The following EVI5 variants were observed in gnomAD, a reference collection of about 807,000 sequenced individuals.
The protein encoded by EVI5 is ecotropic viral integration site 5 protein homolog.
A neutral mutation model predicts 112.0 loss-of-function variants in EVI5; 73 were observed. That is an observed-to-expected ratio of 0.65 (90% CI 0.54 to 0.79). The LOEUF is 0.79. EVI5 is among the 30% of genes least tolerant of loss of function. EVI5 has a pLI of 0.00. For synonymous variants in EVI5, 305 were observed against 319.9 expected (o/e 0.95, Z 0.50); for missense variants, 900 against 968.8 (o/e 0.93, Z 0.94).
At chr1:92,791,813 A>G (rs765808006) in intron 1 of EVI5, among the ~76,000 whole-genome samples, 9 of 152,134 alleles carry the variant, frequency 5.9e-5, no homozygotes, top group Non-Finnish European at 7.4e-5. Context: ...AGAAAAATTT[A>G]TGTAGCTTTT....
chr1:92,517,179 GA>G (rs1031504489), intron 19 of EVI5, among the ~76,000 whole-genome samples: 14 of 152,164 alleles, frequency 9.2e-5, no homozygotes, highest in Non-Finnish European at 1.5e-4. Flanking sequence ...GAGAAAAAAG[GA>G]TGGTTTCCTC....
chr1:92,754,691 C>T (rs990095331), intron 1 of EVI5, among the ~76,000 whole-genome samples: 4 of 152,220 alleles, frequency 2.6e-5, no homozygotes, highest in Admixed American at 1.3e-4. Flanking sequence ...CTTGTGGCAA[C>T]TGGCTTCCCC....
chr1:92,694,020 G>C lies in EVI5; in HGVS notation c.1000-121C>G, dbSNP rs184842425. The C allele has an allele frequency of 1.5e-3, 1,034 of 702,796 alleles. 2 individuals are homozygous for C. The highest frequency in any genetic ancestry group is 2.3e-3 in the Non-Finnish European group (915 of 405,550). The allele number at this position is 702,796 out of a possible 1,614,324, so 43.5% of individuals were successfully genotyped here. A position where few individuals can be genotyped will look rare whatever the true frequency, so the allele number is the denominator to read the frequency against. ...CTCATGCTTGTAATCTCAGCATTTTGGGAGGCCAAGGCAGGCGGATCACTT... is the reference window on the plus strand; with the variant it reads ...CTCATGCTTGTAATCTCAGCATTTTCGGAGGCCAAGGCAGGCGGATCACTT... On this transcript the variant is annotated intron_variant, in intron 8 of 19. Coordinates refer to ENST00000684568, the MANE Select transcript of EVI5 (RefSeq NM_001350197.2).
chr1:92,785,177 T>A (rs1685479642), upstream of EVI5: 1 of 910,196 alleles, frequency 1.1e-6, no homozygotes, highest in Admixed American at 6.2e-5. Flanking sequence ...TGGAGCAGGT[T>A]AGGGGCCGGG....
intron 19 of EVI5, among the ~76,000 whole-genome samples, chr1:92,523,906 T>C (rs1331698727): frequency 6.6e-6 from 1 of 151,920 alleles, no homozygotes; most frequent in East Asian, 1.9e-4. Flanking sequence ...GCCAACATGG[T>C]GAAACCCTGA....
chr1:92,613,277 G>A (rs1373974596), intron 16 of EVI5, among the ~76,000 whole-genome samples: 1 of 152,048 alleles, frequency 6.6e-6, no homozygotes, highest in East Asian at 1.9e-4. Flanking sequence ...GCCTAAGACT[G>A]AATTTATTTA....
intron 19 of EVI5, among the ~76,000 whole-genome samples, chr1:92,545,876 T>C (rs986857397): frequency 6.6e-6 from 1 of 151,950 alleles, no homozygotes; most frequent in Admixed American, 6.6e-5. Flanking sequence ...ACTCCAAGCC[T>C]CTGCATATAC....
chr1:92,644,521 T>G (rs1302840657), intron 13 of EVI5, among the ~76,000 whole-genome samples: 1 of 152,200 alleles, frequency 6.6e-6, no homozygotes, highest in Non-Finnish European at 1.5e-5. Flanking sequence ...ACACTTTTTA[T>G]TATTTGTCCA....
chr1:92,618,494 C>T (rs183081851), intron 16 of EVI5, among the ~76,000 whole-genome samples: 50 of 152,236 alleles, frequency 3.3e-4, no homozygotes, highest in Middle Eastern at 3.4e-3. Context: ...TAATCCACAA[C>T]GGAGGTAAAG....
At chr1:92,729,525 T>C (rs1373481100) in intron 2 of EVI5, among the ~76,000 whole-genome samples, 5 of 152,110 alleles carry the variant, frequency 3.3e-5, no homozygotes, top group Admixed American at 6.6e-5. Context: ...CAGATGCAAA[T>C]ACATTCAACT....
At chr1:92,602,933 T>C (rs1323903001) in intron 18 of EVI5, among the ~76,000 whole-genome samples, 1 of 152,064 alleles carries the variant, frequency 6.6e-6, no homozygotes, top group Admixed American at 6.6e-5. Flanking sequence ...GAGAAAATAT[T>C]TGCAAACCAT....
intron 1 of EVI5, chr1:92,784,175 AAGAC>A (rs139490680): frequency 4.2e-4 from 166 of 395,146 alleles, no homozygotes; most frequent in East Asian, 1.6e-3. Flanking sequence ...AGAAGCCCCA[AAGAC>A]AGACAGACAG....
At chr1:92,632,425 G>A (rs559442057) in intron 14 of EVI5, among the ~76,000 whole-genome samples, 3 of 152,266 alleles carry the variant, frequency 2.0e-5, no homozygotes, top group South Asian at 2.1e-4. Flanking sequence ...TGTATGTGTC[G>A]AGGAATTTAT....
At chr1:92,723,860 G>A (rs1194310919) in intron 2 of EVI5, among the ~76,000 whole-genome samples, 1 of 152,092 alleles carries the variant, frequency 6.6e-6, no homozygotes, top group African/African-American at 2.4e-5. Flanking sequence ...AATTCCTGTG[G>A]GTAGGTCTAT....
intron 11 of EVI5, among the ~76,000 whole-genome samples, chr1:92,664,417 T>C (rs1386938875): frequency 6.6e-6 from 1 of 151,930 alleles, no homozygotes; most frequent in African/African-American, 2.4e-5. Context: ...TACAGCATCA[T>C]TCTCATTCCG....
At chr1:92,736,048 T>C (rs1677377294) in intron 2 of EVI5, among the ~76,000 whole-genome samples, 1 of 151,384 alleles carries the variant, frequency 6.6e-6, no homozygotes, top group South Asian at 2.1e-4. Context: ...AAACCACAAA[T>C]CAGATATCTA....
At chr1:92,791,846 A>G (rs1686123197) in intron 1 of EVI5, among the ~76,000 whole-genome samples, 1 of 152,240 alleles carries the variant, frequency 6.6e-6, no homozygotes. Flanking sequence ...GTTCCCAAAC[A>G]CGACGGGAGG....
At chr1:92,526,155 C>T (rs1167192673) in intron 19 of EVI5, among the ~76,000 whole-genome samples, 2 of 152,172 alleles carry the variant, frequency 1.3e-5, no homozygotes, top group Non-Finnish European at 2.9e-5. Context: ...ACCTCCCTGG[C>T]TCAAGTGAGC....
intron 2 of EVI5, among the ~76,000 whole-genome samples, chr1:92,724,296 T>G (rs959438252): frequency 3.3e-5 from 5 of 152,126 alleles, no homozygotes; most frequent in African/African-American, 1.2e-4. Context: ...TTTCTCTTTA[T>G]TTCTCAGACC....
Sources: allele counts gnomAD v4.1 joint callset (sites outside exome capture counted in the v4.1 genomes callset), GRCh38; gene constraint gnomAD v4.1.1; transcripts MANE v1.5; gene names NCBI Gene and HGNC (gene_info 2026-07-23, HGNC 2026-07-21).